CIMIP2A: variants seen among roughly 807,000 people sequenced by gnomAD.
CIMIP2A encodes ciliary microtubule inner protein 2A.
the CIMIP2A span, among the ~76,000 whole-genome samples, chr9:137,254,376 G>A: frequency 7.4e-6 from 1 of 135,652 alleles, no homozygotes; most frequent in Admixed American, 8.1e-5. Flanking sequence ...CATGGCCTTG[G>A]GAGCTCGGCC....
chr9:137,245,879 G>C, the CIMIP2A span: 1 of 1,483,010 alleles, frequency 6.7e-7, no homozygotes, highest in Non-Finnish European at 9.0e-7. Context: ...AAGAAGGCAG[G>C]GCAGGTCTCA....
At chr9:137,245,827 C>T in the CIMIP2A span, 53 of 1,505,930 alleles carry the variant, frequency 3.5e-5, 1 homozygote, top group South Asian at 5.7e-4. Flanking sequence ...CACCTGGTAG[C>T]GCAGCTGCGG....
the CIMIP2A span, chr9:137,251,296 T>A: frequency 1.2e-6 from 2 of 1,611,390 alleles, no homozygotes; most frequent in South Asian, 2.2e-5. Flanking sequence ...GATGATGAAT[T>A]CTGACCAGAA....
the CIMIP2A span, chr9:137,253,052 T>G: frequency 1.3e-6 from 2 of 1,518,472 alleles, no homozygotes; most frequent in Non-Finnish European, 1.8e-6. Context: ...GGGTGGGAAC[T>G]GGGAGCCAGG....
chr9:137,251,823 G>C, the CIMIP2A span: 4 of 1,605,026 alleles, frequency 2.5e-6, no homozygotes. Context: ...GGAGATCCCA[G>C]TTGGCCTCAG....
the CIMIP2A span, among the ~76,000 whole-genome samples, chr9:137,246,485 C>T: frequency 6.6e-6 from 1 of 152,208 alleles, no homozygotes; most frequent in Non-Finnish European, 1.5e-5. Flanking sequence ...GCCAAAGGGC[C>T]GGGCGCGGTG....
chr9:137,244,486 G>A, the CIMIP2A span: 3 of 1,495,782 alleles, frequency 2.0e-6, no homozygotes, highest in Non-Finnish European at 1.8e-6. Context: ...AGAGGGGTTG[G>A]GGCGGCACCT....
chr9:137,246,000 G>A, the CIMIP2A span: 1 of 565,900 alleles, frequency 1.8e-6, no homozygotes, highest in Admixed American at 3.5e-5. Context: ...CTGCTCACCT[G>A]TAAATGGGGC....
At chr9:137,244,747 G>T in the CIMIP2A span, 1 of 1,611,384 alleles carries the variant, frequency 6.2e-7, no homozygotes, top group Non-Finnish European at 8.5e-7. Context: ...CTGGGGGTAG[G>T]CAGATGTACG....
At chr9:137,247,669 T>C in the CIMIP2A span, 4 of 1,613,188 alleles carry the variant, frequency 2.5e-6, no homozygotes, top group East Asian at 2.2e-5. Context: ...CCCAGGGACA[T>C]AGTGAGGCTC....
the CIMIP2A span, chr9:137,247,567 C>A: frequency 8.2e-5 from 97 of 1,179,890 alleles, no homozygotes; most frequent in Non-Finnish European, 1.2e-4. Flanking sequence ...CAGCTCTGGG[C>A]CCCTCACAGC....
At chr9:137,253,590 G>A in the CIMIP2A span, 1 of 1,083,778 alleles carries the variant, frequency 9.2e-7, no homozygotes, top group Non-Finnish European at 1.2e-6. Context: ...CCATTCAGCT[G>A]CCCCTGAAAG....
At chr9:137,251,960 C>T in the CIMIP2A span, 1 of 1,599,022 alleles carries the variant, frequency 6.3e-7, no homozygotes, top group Non-Finnish European at 8.5e-7. Flanking sequence ...GAGGGGCCCG[C>T]TGAAAGGAGC....
chr9:137,244,353 C>T, the CIMIP2A span: 4 of 1,605,544 alleles, frequency 2.5e-6, no homozygotes, highest in South Asian at 4.4e-5. Flanking sequence ...TCAAGTTGTC[C>T]CAGTGGGGGC....
At chr9:137,252,332 A>C in the CIMIP2A span, 1 of 1,363,438 alleles carries the variant, frequency 7.3e-7, no homozygotes, top group Non-Finnish European at 1.0e-6. Context: ...CATTGTGAAG[A>C]CAAGGGTTCA....
At chr9:137,244,998 C>T in the CIMIP2A span, 1 of 1,608,534 alleles carries the variant, frequency 6.2e-7, no homozygotes, top group Non-Finnish European at 8.5e-7. Context: ...GAAAAGTGGG[C>T]CCCTGTGGCA....
At chr9:137,249,390 A>G in the CIMIP2A span, among the ~76,000 whole-genome samples, 1 of 152,192 alleles carries the variant, frequency 6.6e-6, no homozygotes, top group African/African-American at 2.4e-5. Flanking sequence ...ACTCCTAAGA[A>G]GCTGTCTGGC....
the CIMIP2A span, among the ~76,000 whole-genome samples, chr9:137,248,737 A>C: frequency 1.3e-5 from 2 of 151,876 alleles, no homozygotes; most frequent in Non-Finnish European, 2.9e-5. Flanking sequence ...GGCATGGTGA[A>C]TGTGCCTGTG....
the CIMIP2A span, among the ~76,000 whole-genome samples, chr9:137,249,018 G>GTTT: frequency 1.3e-5 from 2 of 150,262 alleles, no homozygotes; most frequent in African/African-American, 4.9e-5. Context: ...GACTAATATG[G>GTTT]TTTTTTTTTT....
Sources: allele counts gnomAD v4.1 joint callset (sites outside exome capture counted in the v4.1 genomes callset), GRCh38; gene constraint gnomAD v4.1.1; transcripts MANE v1.5; gene names NCBI Gene and HGNC (gene_info 2026-07-23, HGNC 2026-07-21).